ACTR3C: variants seen among roughly 807,000 people sequenced by gnomAD.
ACTR3C encodes actin related protein 3C.
In ACTR3C, 18 loss-of-function variants were observed where a neutral mutation model predicts 26.3. That is an observed-to-expected ratio of 0.68 (90% CI 0.47 to 1.01). The LOEUF (loss-of-function observed/expected upper bound fraction) is 1.01, where lower values mean the gene tolerates loss of function less well. Ranked by LOEUF, ACTR3C falls within the 50% of genes least tolerant of loss-of-function variation. The pLI, the probability that ACTR3C is intolerant of heterozygous loss-of-function variation, is 0.00. For synonymous variants in ACTR3C, 55 were observed against 94.5 expected (o/e 0.58, Z 2.42); for missense variants, 184 against 250.7 (o/e 0.73, Z 1.80).
chr7:150,152,353 T>C, the ACTR3C span, among the ~76,000 whole-genome samples: 11 of 152,134 alleles, frequency 7.2e-5, no homozygotes, highest in African/African-American at 2.4e-5. Flanking sequence ...GCATGAAGCG[T>C]TGTTGAATTT....
chr7:149,955,283 A>G, the ACTR3C span, among the ~76,000 whole-genome samples: 1 of 152,276 alleles, frequency 6.6e-6, no homozygotes, highest in Non-Finnish European at 1.5e-5. Flanking sequence ...GAAATGTTGC[A>G]AAGTACCTAA....
chr7:150,148,530 T>C, the ACTR3C span, among the ~76,000 whole-genome samples: 1 of 152,214 alleles, frequency 6.6e-6, no homozygotes, highest in Non-Finnish European at 1.5e-5. Context: ...TTGCTTTTTC[T>C]TCCCTCCCTG....
At chr7:150,050,684 A>G in the ACTR3C span, among the ~76,000 whole-genome samples, 14 of 152,128 alleles carry the variant, frequency 9.2e-5, no homozygotes, top group Admixed American at 7.9e-4. Context: ...AGGACTGGAA[A>G]CAGCATGGAT....
intron 1 of ACTR3C, among the ~76,000 whole-genome samples, chr7:150,298,510 C>G (rs1795134712): frequency 6.8e-6 from 1 of 147,482 alleles, no homozygotes; most frequent in South Asian, 2.3e-4. Context: ...TATTTCCTCT[C>G]TCCCTGAGTC....
the ACTR3C span, among the ~76,000 whole-genome samples, chr7:150,005,822 AC>A: frequency 6.6e-6 from 1 of 152,292 alleles, no homozygotes; most frequent in East Asian, 1.9e-4. Context: ...CTGCCTACAA[AC>A]TAGGGAACAC....
chr7:150,041,763 G>C, the ACTR3C span, among the ~76,000 whole-genome samples: 1 of 145,876 alleles, frequency 6.9e-6, no homozygotes, highest in Non-Finnish European at 1.5e-5. Flanking sequence ...GGGGGGAAGA[G>C]GGACTGGCTC....
At chr7:149,949,393 GGGAA>G in the ACTR3C span, among the ~76,000 whole-genome samples, 72,036 of 133,520 alleles carry the variant, frequency 0.54, 20,635 homozygotes, top group Admixed American at 0.56. Flanking sequence ...GAAGGAAGGA[GGGAA>G]GGAAGGAAGG....
At chr7:150,066,391 T>C in the ACTR3C span, among the ~76,000 whole-genome samples, 1 of 152,184 alleles carries the variant, frequency 6.6e-6, no homozygotes, top group East Asian at 1.9e-4. Context: ...ATTCAAAGGA[T>C]TGGAACAACT....
chr7:150,235,763 T>C, the ACTR3C span, among the ~76,000 whole-genome samples: 1 of 152,046 alleles, frequency 6.6e-6, no homozygotes, highest in Non-Finnish European at 1.5e-5. Context: ...GAGAAAAGAA[T>C]GGATATCTGA....
chr7:150,279,105 C>A (rs1465586263), intron 6 of ACTR3C, among the ~76,000 whole-genome samples: 3 of 152,176 alleles, frequency 2.0e-5, no homozygotes, highest in Non-Finnish European at 4.4e-5. Context: ...GCGTTTAAGA[C>A]CAGCCTGGGC....
the ACTR3C span, among the ~76,000 whole-genome samples, chr7:150,152,658 C>T: frequency 3.3e-5 from 5 of 152,130 alleles, no homozygotes; most frequent in African/African-American, 1.2e-4. Flanking sequence ...CCTCATAAGA[C>T]GAGTTAGGGA....
At chr7:150,264,879 G>C (rs1329550946) in intron 6 of ACTR3C, 1 of 982,210 alleles carries the variant, frequency 1.0e-6, no homozygotes, top group African/African-American at 1.8e-5. Context: ...ACTTTGCTGT[G>C]GTAGAAAATA....
chr7:150,207,587 G>A, the ACTR3C span, among the ~76,000 whole-genome samples: 11 of 151,596 alleles, frequency 7.3e-5, no homozygotes, highest in African/African-American at 1.9e-4. Context: ...TGATACACAC[G>A]TAACTGTGTA....
the ACTR3C span, among the ~76,000 whole-genome samples, chr7:150,171,040 G>C: frequency 9.6e-5 from 13 of 135,118 alleles, no homozygotes; most frequent in Non-Finnish European, 1.8e-4. Context: ...GCTATAGACT[G>C]TCATACCTCT....
the ACTR3C span, among the ~76,000 whole-genome samples, chr7:150,141,905 C>T: frequency 6.6e-6 from 1 of 151,962 alleles, no homozygotes. Context: ...TCTCTACACA[C>T]CCCAGGAAAC....
chr7:150,036,159 C>G, the ACTR3C span, among the ~76,000 whole-genome samples: 1 of 134,060 alleles, frequency 7.5e-6, no homozygotes, highest in South Asian at 2.3e-4. Flanking sequence ...GTGGGGGGTG[C>G]CTCCCCCCCC....
chr7:150,121,433 C>A, the ACTR3C span, among the ~76,000 whole-genome samples: 329 of 149,818 alleles, frequency 2.2e-3, 1 homozygote, highest in Non-Finnish European at 2.9e-3. Context: ...TCCTATACAC[C>A]AATAATAGAC....
the ACTR3C span, among the ~76,000 whole-genome samples, chr7:150,028,647 T>G: frequency 1.2e-4 from 19 of 152,352 alleles, no homozygotes; most frequent in African/African-American, 4.1e-4. Context: ...ACTCAGCAGC[T>G]GCTGTCTGGG....
chr7:149,946,893 A>T, the ACTR3C span, among the ~76,000 whole-genome samples: 80 of 152,090 alleles, frequency 5.3e-4, 1 homozygote, highest in East Asian at 0.015. Context: ...CTTGCTAATC[A>T]TTACAACACC....
Sources: gnomAD v4.1 joint callset for allele counts (sites outside exome capture counted in the v4.1 genomes callset) on GRCh38, gnomAD v4.1.1 for gene constraint, MANE v1.5 for transcripts, NCBI Gene and HGNC (gene_info 2026-07-23, HGNC 2026-07-21) for gene names.